Variants in BTD observed in about 807,000 individuals in gnomAD.
BTD encodes the protein biotinidase, also known as biocytinase.
In BTD, 13 loss-of-function variants were observed where a neutral mutation model predicts 17.7. The ratio of observed to expected loss-of-function variants is 0.74; its 90% confidence interval spans 0.48 to 1.17. The LOEUF is 1.17. Among genes scored for constraint, BTD ranks in the 50% most tolerant of loss-of-function variants. BTD has a pLI of 0.00. For synonymous variants in BTD, 240 were observed against 245.2 expected (o/e 0.98, Z 0.20); for missense variants, 674 against 650.4 (o/e 1.04, Z -0.39).
chr3:15,685,906 C>T, intron 3 of BTD: 2 of 943,738 alleles, frequency 2.1e-6, no homozygotes, highest in Non-Finnish European at 3.2e-6. Context: ...ATTTGACGAA[C>T]ATTTAATGAA....
chr3:15,675,918 A>G (rs770583085), intron 3 of BTD: 1 of 1,611,632 alleles, frequency 6.2e-7, no homozygotes, highest in Non-Finnish European at 8.5e-7. Context: ...TACTGCAAGC[A>G]CACTTGCTCC....
At position 15,601,844 on chromosome 3, in the gene BTD, A is replaced by G. The variant is rs772151633; in HGVS notation, c.-67A>G. 3 of 1,614,180 alleles carry G rather than the reference A, an allele frequency of 1.9e-6. No homozygotes were observed. Among genetic ancestry groups the G allele is most frequent in the Non-Finnish European group, 2.5e-6 (3 of 1,180,036 alleles). ...AGCTGGAGCGTTTTCGGGGCTGTAA[A>G]GGGAGAATGGCGCATGCGCATATTC... On this transcript the variant is annotated 5_prime_UTR_variant, in exon 1 of 4. Coordinates refer to ENST00000643237, the MANE Select transcript of BTD (RefSeq NM_001370658.1).
At position 15,621,978 on chromosome 3, in the gene BTD, C is replaced by T. The variant is rs186159309; in HGVS notation, c.-16-13446C>T. On this transcript the variant is annotated intron_variant, in intron 1 of 3. Transcript: ENST00000643237. ...TTATAATATTCCTTTATTATTCTTT[C>T]GGTGTCCATGGGATCTGTAGTTATG... Among the ~76,000 whole-genome samples the T allele has an allele frequency of 1.2e-4, 18 of 152,216 alleles. No individual in the cohort carries two copies. In the East Asian group the frequency reaches 2.9e-3, roughly 24 times the overall value.
intron 2 of BTD, among the ~76,000 whole-genome samples, chr3:15,638,618 T>C (rs2065421479): frequency 6.6e-6 from 1 of 152,258 alleles, no homozygotes; most frequent in Non-Finnish European, 1.5e-5. Context: ...AAAGTTGTTA[T>C]AAGAGGTTCC....
chr3:15,711,137 A>C, exon 4 of BTD: 1 of 1,300,246 alleles, frequency 7.7e-7, no homozygotes, highest in South Asian at 1.4e-5. Flanking sequence ...ATTAATAAAA[A>C]AGAACAAAGA....
intron 3 of BTD, among the ~76,000 whole-genome samples, chr3:15,664,924 G>A (rs1183170555): frequency 6.6e-6 from 1 of 151,504 alleles, no homozygotes; most frequent in Non-Finnish European, 1.5e-5. Context: ...TATTACCTGG[G>A]TGATGAAATA....
chr3:15,681,418 C>T (rs1259103366), intron 3 of BTD, among the ~76,000 whole-genome samples: 1 of 152,130 alleles, frequency 6.6e-6, no homozygotes, highest in East Asian at 1.9e-4. Flanking sequence ...ACAGAAAAAT[C>T]CAAATTTCAA....
intron 2 of BTD, among the ~76,000 whole-genome samples, chr3:15,638,992 C>T (rs2065431739): frequency 6.6e-6 from 1 of 152,208 alleles, no homozygotes; most frequent in Non-Finnish European, 1.5e-5. Flanking sequence ...GACTATATTT[C>T]TGTCTCAGTA....
chr3:15,607,612 C>T (rs1030380093), intron 1 of BTD, among the ~76,000 whole-genome samples: 2 of 152,174 alleles, frequency 1.3e-5, no homozygotes, highest in Non-Finnish European at 1.5e-5. Context: ...ATAACACTAG[C>T]TGAACTTGTG....
At chr3:15,625,971 A>G (rs2065057558) in intron 1 of BTD, among the ~76,000 whole-genome samples, 1 of 152,188 alleles carries the variant, frequency 6.6e-6, no homozygotes, top group East Asian at 1.9e-4. Flanking sequence ...TGTTGTCTTG[A>G]TGTTTATTTT....
At chr3:15,606,042 CAAAAAAAAAAAA>C (rs11369757) in intron 1 of BTD, among the ~76,000 whole-genome samples, 1 of 64,954 alleles carries the variant, frequency 1.5e-5, no homozygotes, top group African/African-American at 6.2e-5. Flanking sequence ...GACCCTGTCT[CAAAAAAAAAAAA>C]AAAAAAAAAA....
In BTD at chr3:15,635,579, C is replaced by A; in HGVS notation, c.140C>A (p.Ser47Tyr). Reference sequence around the variant, plus strand: ...GTGGCTGCCGTGTATGAGCATCCATCCATCCTGAGTCTGAACCCTCTGGCT... The same window carrying A: ...GTGGCTGCCGTGTATGAGCATCCATACATCCTGAGTCTGAACCCTCTGGCT... ...YYVAAVYEHP[S>Y]ILSLNPLALI... Residue 47 changes from serine to tyrosine, a missense_variant, in exon 2 of 4, where the codon TCC becomes TAC. Ser to Tyr is a moderately radical substitution (Grantham distance 144). Transcript: ENST00000643237. The surrounding 1 kb of genome is among the most constrained non-coding windows in gnomAD (Gnocchi z 4.1). The A allele has an allele frequency of 6.2e-7, 1 of 1,614,202 alleles. No homozygotes were observed. The highest frequency in any genetic ancestry group is 8.5e-7 in the Non-Finnish European group (1 of 1,180,048).
At chr3:15,643,055 T>G (rs1026468344) in intron 3 of BTD, among the ~76,000 whole-genome samples, 26 of 141,348 alleles carry the variant, frequency 1.8e-4, no homozygotes, top group South Asian at 1.1e-3. Flanking sequence ...TAAAATAAAA[T>G]AAAGAAATGG....
chr3:15,629,282 A>G lies in BTD; in HGVS notation c.-16-6142A>G, dbSNP rs57707105. ...TCCAAGTGTGACTCAGACCAGGAGCATCAGCATCACCTTGGAATTTGCCAT... is the reference window on the plus strand; with the variant it reads ...TCCAAGTGTGACTCAGACCAGGAGCGTCAGCATCACCTTGGAATTTGCCAT... On this transcript the variant is annotated intron_variant, in intron 1 of 3. Coordinates refer to ENST00000643237, the MANE Select transcript of BTD (RefSeq NM_001370658.1). Among the ~76,000 whole-genome samples the G allele has an allele frequency of 7.5e-3, 1,145 of 152,296 alleles. 16 individuals carry two copies. Among genetic ancestry groups the G allele is most frequent in the African/African-American group, 0.026 (1,098 of 41,548 alleles).
intron 1 of BTD, chr3:15,602,406 T>G: frequency 1.2e-6 from 1 of 835,172 alleles, no homozygotes; most frequent in Non-Finnish European, 1.5e-6. Flanking sequence ...CGTTTCATAA[T>G]TCTTAGGTTG....
At chr3:15,602,266 C>G (rs1046764566) in intron 1 of BTD, 11 of 1,241,562 alleles carry the variant, frequency 8.9e-6, no homozygotes, top group Non-Finnish European at 1.1e-5. Context: ...TTCCTACCCA[C>G]TATTCAGCCA....
At chr3:15,663,983 C>A (rs1470063026) in intron 3 of BTD, among the ~76,000 whole-genome samples, 1 of 152,162 alleles carries the variant, frequency 6.6e-6, no homozygotes, top group African/African-American at 2.4e-5. Flanking sequence ...CTCACGGCAA[C>A]CTCCACCTCC....
chr3:15,625,777 G>A (rs914306579), intron 1 of BTD, among the ~76,000 whole-genome samples: 2 of 152,026 alleles, frequency 1.3e-5, no homozygotes, highest in Admixed American at 6.6e-5. Flanking sequence ...GGATGGTCTC[G>A]ATCTCTTGAC....
chr3:15,647,846 A>C lies in BTD; in HGVS notation c.*2358A>C, dbSNP rs2065729465. 6.6e-6 allele frequency among the ~76,000 whole-genome samples: 1 copy of C among 152,174 alleles called. No homozygotes were observed. On this transcript the variant is annotated 3_prime_UTR_variant, in exon 4 of 4. Transcript: ENST00000643237. ...TGTGGTTTTTCTCACACGGGAAGTG[A>C]GAGGCACAGTGAGCTGTATTCACAC...
Sources: allele counts gnomAD v4.1 joint callset (sites outside exome capture counted in the v4.1 genomes callset), GRCh38; gene constraint gnomAD v4.1.1; non-coding constraint Gnocchi (gnomAD v3.1); transcripts MANE v1.5; gene names NCBI Gene and HGNC (gene_info 2026-07-23, HGNC 2026-07-21).